BTNL8: variants seen among roughly 807,000 people sequenced by gnomAD.
BTNL8 encodes butyrophilin like 8, also known as butyrophilin-like protein 8.
A neutral mutation model predicts 36.1 loss-of-function variants in BTNL8; 22 were observed. The ratio of observed to expected loss-of-function variants is 0.61; its 90% CI spans 0.44 to 0.87. BTNL8 has a LOEUF of 0.87. Among genes scored for constraint, BTNL8 ranks in the 40% least tolerant of loss-of-function variants. The pLI, the probability that BTNL8 is intolerant of heterozygous loss-of-function variation, is 0.00. For synonymous variants in BTNL8, 203 were observed against 235.6 expected, an observed-to-expected ratio of 0.86 and a Z score of 1.27; for missense variants, 526 against 616.9, an observed-to-expected ratio of 0.85 and a Z score of 1.56.
intron 3 of BTNL8, among the ~76,000 whole-genome samples, chr5:180,936,247 G>A (rs543855069): frequency 6.6e-6 from 1 of 152,148 alleles, no homozygotes; most frequent in South Asian, 2.1e-4. Context: ...AACCAGCACA[G>A]TTAGGCAAAA....
intron 3 of BTNL8, among the ~76,000 whole-genome samples, chr5:180,947,125 A>C (rs1158947277): frequency 1.3e-5 from 2 of 152,216 alleles, no homozygotes; most frequent in Non-Finnish European, 2.9e-5. Flanking sequence ...TTATACCAAG[A>C]CATATCCCGG....
chr5:180,933,849 A>G (rs1188592002), intron 3 of BTNL8, among the ~76,000 whole-genome samples: 2 of 152,194 alleles, frequency 1.3e-5, no homozygotes. Flanking sequence ...TCACTGATGA[A>G]TTCTACCAAA....
intron 3 of BTNL8, among the ~76,000 whole-genome samples, chr5:180,941,912 C>T (rs1758979609): frequency 6.9e-6 from 1 of 145,096 alleles, no homozygotes; most frequent in Non-Finnish European, 1.5e-5. Context: ...TTTTACTACT[C>T]TTATTCAACA....
intron 1 of BTNL8, among the ~76,000 whole-genome samples, chr5:180,905,011 G>C (rs1026820246): frequency 2.9e-4 from 44 of 150,830 alleles, no homozygotes; most frequent in African/African-American, 1.1e-3. Context: ...TCTCTGCCTG[G>C]CTTTGGTATC....
intron 1 of BTNL8, chr5:180,902,398 T>G: frequency 6.4e-7 from 1 of 1,550,650 alleles, no homozygotes; most frequent in South Asian, 1.2e-5. Context: ...TTGTCAAATG[T>G]AAGGAGATAC....
At chr5:180,949,315 G>C (rs748012052) in intron 7 of BTNL8, 50 bp downstream of exon 7, 6 of 1,460,672 alleles carry the variant, frequency 4.1e-6, no homozygotes, top group Middle Eastern at 1.7e-4. Flanking sequence ...AGGTGGACAT[G>C]AGAGGGGGAA....
At chr5:180,899,419 G>C in intron 1 of BTNL8, 60 bp downstream of exon 1, 1 of 1,531,148 alleles carries the variant, frequency 6.5e-7, no homozygotes, top group South Asian at 1.1e-5. Context: ...TAGCTACAAT[G>C]GTTGCAGCAT....
At chr5:180,941,720 T>A (rs1324507906) in intron 3 of BTNL8, among the ~76,000 whole-genome samples, 1 of 151,890 alleles carries the variant, frequency 6.6e-6, no homozygotes, top group Non-Finnish European at 1.5e-5. Flanking sequence ...CAATAGACAT[T>A]AAAAAATATT....
intron 1 of BTNL8, among the ~76,000 whole-genome samples, chr5:180,901,833 G>A (rs1409369534): frequency 1.3e-5 from 2 of 152,168 alleles, no homozygotes; most frequent in Non-Finnish European, 1.5e-5. Context: ...CTACACAAGC[G>A]TAAAAGGCAC....
chr5:180,909,730 A>AAAG (rs1554141675), intron 2 of BTNL8: 2 of 298,734 alleles, frequency 6.7e-6, no homozygotes, highest in East Asian at 3.5e-4. Context: ...AAAAAAAAAA[A>AAAG]AAGAAGATGA....
At chr5:180,924,120 C>T (rs1405700117) in intron 3 of BTNL8, among the ~76,000 whole-genome samples, 2 of 152,194 alleles carry the variant, frequency 1.3e-5, no homozygotes, top group African/African-American at 4.8e-5. Context: ...TGGCCAACCT[C>T]AGCAGCTGAG....
chr5:180,911,667 A>G (rs571647045), intron 3 of BTNL8, 53 bp downstream of exon 3: 13 of 1,519,500 alleles, frequency 8.6e-6, no homozygotes, highest in Non-Finnish European at 1.2e-5. Context: ...TCGGTAACTC[A>G]GAGGGAGGAC....
In BTNL8 at chr5:180,926,788, C is replaced by A. The variant is rs574722192; in HGVS notation, c.673+15174C>A. On this transcript the variant is annotated intron_variant, in intron 3 of 7. Transcript: ENST00000340184. ...CCTCTCTAGATTCCTCCTTTCTGGGCAGGGCATCTCTGAAAGAAAGGCAGC... is the reference window on the plus strand; with the variant it reads ...CCTCTCTAGATTCCTCCTTTCTGGGAAGGGCATCTCTGAAAGAAAGGCAGC... Among the ~76,000 whole-genome samples, 10 of 152,298 alleles carry A rather than the reference C, an allele frequency of 6.6e-5. No individual in the cohort carries two copies. The East Asian group carries it at 1.7e-3, about 26-fold the overall frequency.
rs564481560 is a variant in BTNL8, at chr5:180,935,154, G to A, written c.674-12358G>A. 3.5e-4 allele frequency among the ~76,000 whole-genome samples: 53 copies of A among 152,294 alleles called. No homozygotes were observed. The highest frequency in any genetic ancestry group is 1.2e-3 in the African/African-American group (50 of 41,560). ...GCTGATTGGTTCATGGATGGCCATGGGTGGCTGGGAAAAAGCACCATAAAT... is the reference window on the plus strand; with the variant it reads ...GCTGATTGGTTCATGGATGGCCATGAGTGGCTGGGAAAAAGCACCATAAAT... On this transcript the variant is annotated intron_variant, in intron 3 of 7. Coordinates refer to ENST00000340184, the MANE Select transcript of BTNL8 (RefSeq NM_001040462.3). The surrounding 1 kb of genome is among the most constrained non-coding windows in gnomAD (Gnocchi z 4.8).
chr5:180,938,839 A>G (rs1199741375), intron 3 of BTNL8, among the ~76,000 whole-genome samples: 4 of 152,176 alleles, frequency 2.6e-5, no homozygotes, highest in Non-Finnish European at 5.9e-5. Context: ...AAAAAAGCCA[A>G]CTAAGACATG....
At position 180,948,337 on chromosome 5, in the gene BTNL8, A is replaced by G; in HGVS notation, c.788-18A>G. ...TACACTCCTGTGTCCACCACTGAAT[A>G]TACTGTTTCTGTTTCAGGGAAAATC... On this transcript the variant is annotated intron_variant, in intron 4 of 7. Transcript: ENST00000340184. 1 of 1,465,520 alleles carries G rather than the reference A, an allele frequency of 6.8e-7. No homozygotes were observed. The highest frequency in any genetic ancestry group is 9.4e-7 in the Non-Finnish European group (1 of 1,059,858). 90.8% of individuals were successfully genotyped at this position (1,465,520 alleles called of 1,614,324 possible).
Position 180,935,500 on chromosome 5 carries a change from G to A in BTNL8, c.674-12012G>A, listed in dbSNP as rs755992658. Among the ~76,000 whole-genome samples the A allele has an allele frequency of 5.3e-5, 8 of 152,220 alleles. No homozygotes were observed. The highest frequency in any genetic ancestry group is 1.3e-4 in the Admixed American group (2 of 15,288). ...TACCTGGCTGGGCACAACAGTGCCC[G>A]GACTCGGCTACAACTTTGCTTTGCA... is the stretch of plus-strand genomic sequence containing the variant. On this transcript the variant is annotated intron_variant, in intron 3 of 7. Coordinates refer to ENST00000340184, the MANE Select transcript of BTNL8 (RefSeq NM_001040462.3). The surrounding 1 kb of genome is among the most constrained non-coding windows in gnomAD (Gnocchi z 4.8).
chr5:180,902,415 G>T, intron 1 of BTNL8: 1 of 1,548,170 alleles, frequency 6.5e-7, no homozygotes, highest in South Asian at 1.2e-5. Flanking sequence ...ATACACAAAT[G>T]CAAGTCACTG....
intron 3 of BTNL8, among the ~76,000 whole-genome samples, chr5:180,928,242 T>A (rs1318216116): frequency 6.6e-6 from 1 of 152,160 alleles, no homozygotes; most frequent in Non-Finnish European, 1.5e-5. Flanking sequence ...CTAAGCTTCA[T>A]AAGTGAAGGA....
Sources: allele counts gnomAD v4.1 joint callset (sites outside exome capture counted in the v4.1 genomes callset), GRCh38; gene constraint gnomAD v4.1.1; non-coding constraint Gnocchi (gnomAD v3.1); transcripts MANE v1.5; gene names NCBI Gene and HGNC (gene_info 2026-07-23, HGNC 2026-07-21).